Variants in LRIG1 observed in about 807,000 individuals in gnomAD.
The protein encoded by LRIG1 is leucine-rich repeats and immunoglobulin-like domains protein 1.
In LRIG1, 48 loss-of-function variants were observed where a neutral mutation model predicts 99.2. That is an observed-to-expected ratio of 0.48 (90% CI 0.38 to 0.62). LRIG1 has a LOEUF of 0.62. LRIG1 is among the 20% of genes least tolerant of loss of function. LRIG1 has a pLI of 0.00. For synonymous variants in LRIG1, 772 were observed against 596.1 expected (o/e 1.29, Z -4.30); for missense variants, 1,646 against 1,434.4 (o/e 1.15, Z -2.38).
In LRIG1 at chr3:66,394,091, A is replaced by G; in HGVS notation, c.1417T>C (p.Ser473Pro). 1 of 1,614,104 alleles carries G rather than the reference A, an allele frequency of 6.2e-7. No individual in the cohort carries two copies. The highest frequency in any genetic ancestry group is 8.5e-7 in the Non-Finnish European group (1 of 1,180,002). Residue 473 changes from serine (S) to proline (P), a missense_variant, in exon 12 of 19, where the codon TCA becomes CCA. Physicochemically the swap from Ser to Pro is moderately conservative, Grantham distance 74. Coordinates refer to ENST00000273261, the MANE Select transcript of LRIG1 (RefSeq NM_015541.3). Reference sequence around the variant, plus strand: ...GAGAAAATGCTCTGACCCTTCAGTGATTCTGGGTGGGCACAGGTGGCTGTC... The same window carrying G: ...GAGAAAATGCTCTGACCCTTCAGTGGTTCTGGGTGGGCACAGGTGGCTGTC... ...FVTATCAHPE[S>P]LKGQSIFSVP...
At chr3:66,458,384 A>C (rs1700277224) in intron 2 of LRIG1, among the ~76,000 whole-genome samples, 1 of 151,204 alleles carries the variant, frequency 6.6e-6, no homozygotes. Flanking sequence ...CTTACAAAGA[A>C]AATGTTTTAA....
chr3:66,398,980 G>T lies in LRIG1; in HGVS notation c.1222C>A (p.Leu408Met), dbSNP rs745737559. 1.9e-6 allele frequency: 3 copies of T among 1,614,172 alleles called. No homozygotes were observed. The highest frequency in any genetic ancestry group is 2.5e-6 in the Non-Finnish European group (3 of 1,179,992). Residue 408 changes from leucine to methionine, a missense_variant, in exon 10 of 19, where the codon CTG (leucine) becomes ATG (methionine). Coordinates refer to ENST00000273261, the MANE Select transcript of LRIG1 (RefSeq NM_015541.3). Reference protein sequence around the residue: ...AKRAFSGLEGLEHLNLGGNAI... With the variant: ...AKRAFSGLEGMEHLNLGGNAI... ...TGGTGAGATACTCACAGGTGCTCCA[G>T]GCCTTCCAGCCCCGAGAATGCTCTC...
intron 1 of LRIG1, among the ~76,000 whole-genome samples, chr3:66,492,783 T>C (rs1429500068): frequency 6.6e-6 from 1 of 152,134 alleles, no homozygotes; most frequent in Non-Finnish European, 1.5e-5. Flanking sequence ...GTTCGCACAA[T>C]GGGCCTTACC....
intron 3 of LRIG1, chr3:66,417,561 C>G: frequency 2.7e-6 from 1 of 371,902 alleles, no homozygotes; most frequent in Non-Finnish European, 5.1e-6. Context: ...ATGACCTGAC[C>G]AGAATCCACG....
intron 1 of LRIG1, among the ~76,000 whole-genome samples, chr3:66,472,722 T>A (rs957352471): frequency 1.3e-5 from 2 of 152,196 alleles, no homozygotes; most frequent in African/African-American, 4.8e-5. Context: ...CTCTTGGTTC[T>A]TTAAGAATGA....
chr3:66,411,069 T>C (rs551701431), intron 6 of LRIG1, among the ~76,000 whole-genome samples: 2 of 152,194 alleles, frequency 1.3e-5, no homozygotes, highest in South Asian at 4.1e-4. Context: ...GGGGTCACTA[T>C]AAGAAGGAAA....
chr3:66,412,441 C>G (rs1702496497), intron 6 of LRIG1, among the ~76,000 whole-genome samples: 1 of 152,224 alleles, frequency 6.6e-6, no homozygotes, highest in South Asian at 2.1e-4. Context: ...CCATCTCCAT[C>G]AACCAACTTA....
At chr3:66,408,027 C>A (rs1702335368) in intron 7 of LRIG1, among the ~76,000 whole-genome samples, 1 of 152,218 alleles carries the variant, frequency 6.6e-6, no homozygotes, top group Non-Finnish European at 1.5e-5. Context: ...GAGGCTCCTG[C>A]TCAGGCCTCC....
chr3:66,494,371 G>GC (rs1478232952), intron 1 of LRIG1, among the ~76,000 whole-genome samples: 2 of 152,148 alleles, frequency 1.3e-5, no homozygotes, highest in African/African-American at 2.4e-5. Flanking sequence ...AGCGGCAAGA[G>GC]CCCCTGCATA....
intron 15 of LRIG1, 125 bp downstream of exon 15, chr3:66,382,857 A>T: frequency 1.2e-6 from 1 of 822,022 alleles, no homozygotes; most frequent in South Asian, 1.8e-5. Flanking sequence ...AATTAGTGGG[A>T]CTAAACCCTC....
chr3:66,404,003 C>G (rs993613325), intron 9 of LRIG1, among the ~76,000 whole-genome samples: 3 of 152,116 alleles, frequency 2.0e-5, no homozygotes, highest in Non-Finnish European at 4.4e-5. Context: ...AAAGGGGTCA[C>G]GTATGGGTTA....
chr3:66,492,980 C>T (rs1411596321), intron 1 of LRIG1, among the ~76,000 whole-genome samples: 5 of 152,154 alleles, frequency 3.3e-5, no homozygotes, highest in Non-Finnish European at 7.3e-5. Flanking sequence ...CTGTGTTCCC[C>T]GCCTGTGTCC....
At chr3:66,468,937 A>G (rs1339629260) in intron 1 of LRIG1, 2 of 152,250 alleles carry the variant, frequency 1.3e-5, no homozygotes, top group Non-Finnish European at 2.9e-5. Context: ...AGGTTTTATA[A>G]AAGAGAATAA....
At chr3:66,393,692 T>C (rs1004793269) in intron 12 of LRIG1, among the ~76,000 whole-genome samples, 1 of 152,214 alleles carries the variant, frequency 6.6e-6, no homozygotes, top group Non-Finnish European at 1.5e-5. Flanking sequence ...GAAACACACA[T>C]TAAAACGCCA....
At chr3:66,426,406 TTG>T (rs1702982802) in intron 3 of LRIG1, among the ~76,000 whole-genome samples, 1 of 152,196 alleles carries the variant, frequency 6.6e-6, no homozygotes, top group Non-Finnish European at 1.5e-5. Context: ...GGCAACCAGT[TTG>T]TGTTTCTTGG....
At chr3:66,405,684 C>G in intron 8 of LRIG1, 2 of 1,084,026 alleles carry the variant, frequency 1.8e-6, no homozygotes, top group Non-Finnish European at 2.3e-6. Context: ...TGGACATGAC[C>G]GAGAAACTGC....
intron 15 of LRIG1, 87 bp from the exon 16 acceptor site, chr3:66,382,485 T>G (rs1170471652): frequency 6.7e-7 from 1 of 1,503,142 alleles, no homozygotes; most frequent in African/African-American, 1.4e-5. Flanking sequence ...AGAAAGGGGA[T>G]CCTCCCAGTG....
In LRIG1 at chr3:66,392,813, T is replaced by C. The variant is rs187735349; in HGVS notation, c.1468+1227A>G. ...TATTTGAGGGAGGTCTATAAACAAT[T>C]TAAGGGTCAAGGACTTGATGACAAT... On this transcript the variant is annotated intron_variant, in intron 12 of 18. Transcript: ENST00000273261. Among the ~76,000 whole-genome samples, 198 of 152,130 alleles carry C rather than the reference T, an allele frequency of 1.3e-3. 1 individual carries two copies. Among genetic ancestry groups the C allele is most frequent in the African/African-American group, 4.5e-3 (186 of 41,498 alleles).
intron 9 of LRIG1, among the ~76,000 whole-genome samples, chr3:66,401,017 A>G (rs4856896): frequency 6.6e-6 from 1 of 152,100 alleles, no homozygotes; most frequent in Non-Finnish European, 1.5e-5. Context: ...ACCATTCAGG[A>G]TGACCCCAGC....
Sources: gnomAD v4.1 joint callset for allele counts (sites outside exome capture counted in the v4.1 genomes callset) on GRCh38, gnomAD v4.1.1 for gene constraint, MANE v1.5 for transcripts, NCBI Gene and HGNC (gene_info 2026-07-23, HGNC 2026-07-21) for gene names.